Variants in UTRN observed in about 807,000 individuals in gnomAD.
UTRN encodes the protein utrophin.
A neutral mutation model predicts 463.9 loss-of-function variants in UTRN; 283 were observed. The ratio of observed to expected loss-of-function variants is 0.61; its 90% CI spans 0.55 to 0.67. The LOEUF is 0.67. Among genes scored for constraint, UTRN ranks in the 30% least tolerant of loss-of-function variants. UTRN has a pLI of 0.00. For synonymous variants in UTRN, 1,442 were observed against 1,431.5 expected (o/e 1.01, Z -0.17); for missense variants, 3,922 against 4,084.3 (o/e 0.96, Z 1.08).
chr6:144,417,494 A>G (rs1784452085), intron 3 of UTRN, among the ~76,000 whole-genome samples: 1 of 150,756 alleles, frequency 6.6e-6, no homozygotes, highest in African/African-American at 2.5e-5. Flanking sequence ...AAATAATACA[A>G]CTAAATCTTT....
chr6:144,499,377 A>C lies in UTRN; in HGVS notation c.4714A>C (p.Thr1572Pro). ...ATETELVQKS[T>P]SEGLLGDLDT... is the part of the protein sequence containing the mutation. ...TGAAACTGAATTGGTACAGAAGTCC[A>C]CTTCAGAAGGTCTGCTTGGTGACTT... The change falls in exon 34 of 75, where the codon ACT becomes CCT. Residue 1572 changes from threonine (T) to proline (P), a missense_variant. Transcript: ENST00000367545. The C allele has an allele frequency of 6.2e-7, 1 of 1,612,620 alleles. No individual in the cohort carries two copies. The highest frequency in any genetic ancestry group is 1.1e-5 in the South Asian group (1 of 90,830).
intron 60 of UTRN, among the ~76,000 whole-genome samples, chr6:144,780,034 A>G (rs548950733): frequency 1.3e-5 from 2 of 152,262 alleles, no homozygotes; most frequent in African/African-American, 4.8e-5. Flanking sequence ...TAATTTGTAG[A>G]TAACTTAAAA....
chr6:144,735,887 C>A (rs529098138), intron 54 of UTRN, among the ~76,000 whole-genome samples: 16 of 151,734 alleles, frequency 1.1e-4, no homozygotes, highest in Admixed American at 2.6e-4. Flanking sequence ...TGTTTCAAAT[C>A]CCTAATAAAA....
chr6:144,628,178 T>C (rs1291038107), intron 51 of UTRN, among the ~76,000 whole-genome samples: 1 of 152,174 alleles, frequency 6.6e-6, no homozygotes, highest in Non-Finnish European at 1.5e-5. Context: ...GGTACTTGGG[T>C]TTTGACTTCT....
At chr6:144,732,259 C>CACATATATATATAT (rs1788706056) in intron 54 of UTRN, among the ~76,000 whole-genome samples, 4 of 94,718 alleles carry the variant, frequency 4.2e-5, no homozygotes, top group African/African-American at 1.9e-4. Context: ...TATATATATA[C>CACATATATATATAT]ACACATATAT....
chr6:144,823,358 C>T (rs182047152), intron 66 of UTRN, among the ~76,000 whole-genome samples: 22 of 151,904 alleles, frequency 1.4e-4, no homozygotes, highest in African/African-American at 5.1e-4. Flanking sequence ...AGTACAGGGC[C>T]GCTTAATCTT....
intron 73 of UTRN, among the ~76,000 whole-genome samples, chr6:144,841,511 A>G (rs1038568180): frequency 1.3e-5 from 2 of 152,128 alleles, no homozygotes; most frequent in African/African-American, 4.8e-5. Flanking sequence ...GCACCTTGCC[A>G]CCTTGCAATT....
chr6:144,844,023 A>C (rs553947341), intron 73 of UTRN, among the ~76,000 whole-genome samples: 43 of 152,258 alleles, frequency 2.8e-4, no homozygotes, highest in African/African-American at 1.0e-3. Flanking sequence ...TGTATTTTAG[A>C]ATCCTTTGAA....
At chr6:144,385,654 A>G (rs1453344999) in intron 2 of UTRN, among the ~76,000 whole-genome samples, 2 of 152,180 alleles carry the variant, frequency 1.3e-5, no homozygotes, top group African/African-American at 4.8e-5. Context: ...AAAGGCAATA[A>G]ATGTCAGACT....
intron 57 of UTRN, among the ~76,000 whole-genome samples, chr6:144,755,477 A>C (rs559545201): frequency 3.9e-5 from 6 of 152,270 alleles, no homozygotes; most frequent in South Asian, 4.1e-4. Context: ...TTAAACATTC[A>C]TTCTGTCGCT....
chr6:144,757,969 T>G lies in UTRN; in HGVS notation c.8475T>G (p.Asn2825Lys), dbSNP rs1269657848. 10 of 1,611,286 alleles carry G rather than the reference T, an allele frequency of 6.2e-6. No individual in the cohort carries two copies. Among genetic ancestry groups the G allele is most frequent in the Non-Finnish European group, 8.5e-6 (10 of 1,178,346 alleles). ...QLPWQRSISHNKVPYYINHQT... is the reference protein window; with the variant it reads ...QLPWQRSISHKKVPYYINHQT... ...CGTGGCAAAGATCCATTTCACATAA[T>G]AAAGTGCCCTATTACATCAAGTAAG... is the stretch of plus-strand genomic sequence containing the variant. Residue 2825 changes from asparagine to lysine, a missense_variant, in exon 58 of 75, where the codon AAT becomes AAG. Transcript: ENST00000367545.
intron 52 of UTRN, 119 bp downstream of exon 52, chr6:144,678,697 G>A: frequency 1.0e-6 from 1 of 998,654 alleles, no homozygotes; most frequent in South Asian, 2.1e-5. Context: ...ATCAGAAATA[G>A]TTTAAGATTT....
intron 65 of UTRN, among the ~76,000 whole-genome samples, chr6:144,807,724 A>G (rs1446326019): frequency 6.6e-6 from 1 of 152,086 alleles, no homozygotes; most frequent in African/African-American, 2.4e-5. Flanking sequence ...AATAGCCTCT[A>G]CTTTACCAAT....
At chr6:144,532,172 A>G (rs1035235663) in intron 42 of UTRN, among the ~76,000 whole-genome samples, 3 of 152,034 alleles carry the variant, frequency 2.0e-5, no homozygotes, top group African/African-American at 7.3e-5. Flanking sequence ...GTGTTAATGC[A>G]TTTTTCTTAT....
intron 34 of UTRN, 116 bp downstream of exon 34, chr6:144,499,543 T>C (rs1793987509): frequency 1.3e-6 from 1 of 747,662 alleles, no homozygotes; most frequent in Admixed American, 3.9e-5. Context: ...GCCTTTTCTT[T>C]TTTGCATTGT....
chr6:144,749,327 G>A (rs776720752), intron 55 of UTRN, among the ~76,000 whole-genome samples: 9 of 152,056 alleles, frequency 5.9e-5, no homozygotes, highest in East Asian at 1.9e-4. Flanking sequence ...ACTGGAAAAC[G>A]AAATCCTTGG....
At chr6:144,659,713 A>G (rs1779663225) in intron 51 of UTRN, 1 of 150,132 alleles carries the variant, frequency 6.7e-6, no homozygotes, top group Admixed American at 6.6e-5. Flanking sequence ...CTCTTTACCC[A>G]GGATTTTTTT....
intron 9 of UTRN, among the ~76,000 whole-genome samples, chr6:144,433,723 G>A (rs531170427): frequency 2.3e-3 from 355 of 151,454 alleles, no homozygotes; most frequent in African/African-American, 8.1e-3. Context: ...GGGCAGAGGC[G>A]CTCCCCACAT....
At chr6:144,370,806 A>G (rs1270419397) in intron 2 of UTRN, among the ~76,000 whole-genome samples, 1 of 152,194 alleles carries the variant, frequency 6.6e-6, no homozygotes, top group Non-Finnish European at 1.5e-5. Flanking sequence ...CATTACCTGG[A>G]TTTGAGACAT....
Sources: allele counts gnomAD v4.1 joint callset (sites outside exome capture counted in the v4.1 genomes callset), GRCh38; gene constraint gnomAD v4.1.1; transcripts MANE v1.5; gene names NCBI Gene and HGNC (gene_info 2026-07-23, HGNC 2026-07-21).